The following LYN variants were observed in gnomAD, a reference collection of about 807,000 sequenced individuals.
LYN encodes the protein LYN proto-oncogene, Src family tyrosine kinase.
Under a neutral mutation model 65.0 loss-of-function variants are expected in LYN, and 12 were observed. The ratio of observed to expected loss-of-function variants is 0.18; its 90% CI spans 0.12 to 0.30. The LOEUF is 0.30. Ranked by LOEUF, LYN falls within the 10% of genes least tolerant of loss-of-function variation. The probability of loss-of-function intolerance (pLI) is 1.00; values close to 1 mark genes in which losing one functional copy is unlikely to be tolerated. For synonymous variants in LYN, 222 were observed against 221.2 expected (o/e 1.00, Z -0.03); for missense variants, 380 against 623.2 (o/e 0.61, Z 4.16).
chr8:55,958,123 T>C (rs1807173689), intron 8 of LYN, among the ~76,000 whole-genome samples: 1 of 152,170 alleles, frequency 6.6e-6, no homozygotes. Context: ...TTACACCCCC[T>C]GTTCTGTCGT....
At chr8:55,950,394 T>C (rs1387901601) in intron 4 of LYN, 65 bp from the exon 5 acceptor site, 4 of 1,008,432 alleles carry the variant, frequency 4.0e-6, no homozygotes, top group Middle Eastern at 2.1e-4. Flanking sequence ...ATATCTGTGA[T>C]ATTTTGATAC....
intron 8 of LYN, among the ~76,000 whole-genome samples, chr8:55,960,198 T>C (rs1807233924): frequency 6.6e-6 from 1 of 152,182 alleles, no homozygotes; most frequent in Non-Finnish European, 1.5e-5. Context: ...CTGGCAAATA[T>C]ATAAAAGAAA....
At chr8:55,906,787 C>T (rs1805440473) in intron 1 of LYN, among the ~76,000 whole-genome samples, 1 of 151,672 alleles carries the variant, frequency 6.6e-6, no homozygotes, top group South Asian at 2.1e-4. Context: ...CCCAGTTGAA[C>T]AACAGTTGAG....
intron 1 of LYN, among the ~76,000 whole-genome samples, chr8:55,920,967 G>T (rs1017171716): frequency 1.3e-5 from 2 of 152,130 alleles, no homozygotes; most frequent in Non-Finnish European, 2.9e-5. Flanking sequence ...AAAGTGCTGG[G>T]ATTACAGGCG....
intron 4 of LYN, 66 bp downstream of exon 4, chr8:55,947,789 C>G: frequency 7.3e-6 from 8 of 1,095,244 alleles, no homozygotes; most frequent in Non-Finnish European, 1.1e-5. Flanking sequence ...CAGGCTGTCC[C>G]CTTGTCTTGC....
At chr8:55,884,852 T>C (rs911133695) in intron 1 of LYN, among the ~76,000 whole-genome samples, 5 of 152,232 alleles carry the variant, frequency 3.3e-5, no homozygotes, top group African/African-American at 1.2e-4. Context: ...GCCTTTGTTG[T>C]TTATCCCCTT....
At chr8:55,935,382 A>G (rs1421981977) in intron 1 of LYN, among the ~76,000 whole-genome samples, 1 of 152,154 alleles carries the variant, frequency 6.6e-6, no homozygotes, top group Non-Finnish European at 1.5e-5. Context: ...ATATTGGAGA[A>G]TGTTTGAAAA....
chr8:55,947,178 GGTGGA>G (rs1563523544), intron 3 of LYN, among the ~76,000 whole-genome samples: 1 of 152,254 alleles, frequency 6.6e-6, no homozygotes, highest in Non-Finnish European at 1.5e-5. Context: ...GAACCCAGGA[GGTGGA>G]GGTTGCAGTG....
intron 1 of LYN, among the ~76,000 whole-genome samples, chr8:55,918,602 A>C (rs1267757958): frequency 6.6e-6 from 1 of 152,184 alleles, no homozygotes; most frequent in African/African-American, 2.4e-5. Context: ...ACCACACATA[A>C]GTGATGTTGA....
intron 1 of LYN, among the ~76,000 whole-genome samples, chr8:55,927,344 T>C (rs560506736): frequency 4.6e-5 from 7 of 152,340 alleles, no homozygotes; most frequent in African/African-American, 1.7e-4. Context: ...TCACACAGTA[T>C]GTAGCCTTTT....
chr8:55,940,731 T>C (rs544449919), intron 1 of LYN, among the ~76,000 whole-genome samples: 1 of 152,338 alleles, frequency 6.6e-6, no homozygotes, highest in African/African-American at 2.4e-5. Context: ...CTGTGTCTGA[T>C]TCAAATGTTC....
intron 1 of LYN, among the ~76,000 whole-genome samples, chr8:55,906,601 C>T (rs373292999): frequency 6.9e-6 from 1 of 144,134 alleles, no homozygotes; most frequent in African/African-American, 2.6e-5. Flanking sequence ...AGGTAATCCA[C>T]CTGTCTCAGC....
At chr8:55,911,098 T>TATATATATATACACACAC (rs1162508957) in intron 1 of LYN, among the ~76,000 whole-genome samples, 1 of 11,692 alleles carries the variant, frequency 8.6e-5, no homozygotes, top group African/African-American at 3.4e-4. Context: ...TATATATATA[T>TATATATATATACACACAC]ACATACACGT....
chr8:55,940,500 C>T (rs1351179032), intron 1 of LYN, among the ~76,000 whole-genome samples: 5 of 152,286 alleles, frequency 3.3e-5, no homozygotes, highest in Admixed American at 1.3e-4. Context: ...CTCAGCCTCC[C>T]GAGTAGCTGG....
intron 2 of LYN, 86 bp from the exon 3 acceptor site, chr8:55,946,362 A>G: frequency 1.2e-6 from 1 of 849,150 alleles, no homozygotes; most frequent in Non-Finnish European, 2.0e-6. Context: ...AACATCTGCT[A>G]CTGTTACAAA....
chr8:55,976,346 A>G (rs1807752312), intron 10 of LYN, among the ~76,000 whole-genome samples: 1 of 149,748 alleles, frequency 6.7e-6, no homozygotes, highest in African/African-American at 2.5e-5. Flanking sequence ...AAAAAAAAAG[A>G]AGGAAGGAAG....
intron 1 of LYN, among the ~76,000 whole-genome samples, chr8:55,897,161 C>T (rs561313070): frequency 1.4e-4 from 21 of 152,256 alleles, no homozygotes; most frequent in African/African-American, 4.8e-4. Flanking sequence ...TCTGATTGAT[C>T]GCATTACAGT....
chr8:55,883,293 A>G (rs1392865348), intron 1 of LYN, among the ~76,000 whole-genome samples: 2 of 152,256 alleles, frequency 1.3e-5, no homozygotes, highest in African/African-American at 4.8e-5. Flanking sequence ...AGGTCATTTA[A>G]CAAACATTTT....
chr8:56,005,399 C>T (rs1808644195), intron 12 of LYN, among the ~76,000 whole-genome samples: 1 of 152,236 alleles, frequency 6.6e-6, no homozygotes, highest in Admixed American at 6.5e-5. Context: ...TTGTTTCTTC[C>T]AGCATTTGCC....
Sources: allele counts gnomAD v4.1 joint callset (sites outside exome capture counted in the v4.1 genomes callset), GRCh38; gene constraint gnomAD v4.1.1; transcripts MANE v1.5; gene names NCBI Gene and HGNC (gene_info 2026-07-23, HGNC 2026-07-21).